SDC2: variants seen among roughly 807,000 people sequenced by gnomAD.
The protein encoded by SDC2 is syndecan 2.
In SDC2, 13 loss-of-function variants were observed where a neutral mutation model predicts 22.2. That is an observed-to-expected ratio of 0.59 (90% confidence interval 0.38 to 0.93). The LOEUF (loss-of-function observed/expected upper bound fraction) is 0.93, where lower values mean the gene tolerates loss of function less well. Among genes scored for constraint, SDC2 ranks in the 40% least tolerant of loss-of-function variants. SDC2 has a pLI of 0.00. For synonymous variants in SDC2, 94 were observed against 92.8 expected, an observed-to-expected ratio of 1.01 and a Z score of -0.07; for missense variants, 235 against 246.8, an observed-to-expected ratio of 0.95 and a Z score of 0.32.
At chr8:96,557,668 TA>T (rs1308490521) in intron 1 of SDC2, among the ~76,000 whole-genome samples, 9 of 152,066 alleles carry the variant, frequency 5.9e-5, no homozygotes, top group Non-Finnish European at 1.3e-4. Context: ...GAGATATACC[TA>T]ATGGTAGATG....
At chr8:96,596,658 T>C (rs1814882335) in intron 2 of SDC2, among the ~76,000 whole-genome samples, 1 of 152,140 alleles carries the variant, frequency 6.6e-6, no homozygotes, top group South Asian at 2.1e-4. Context: ...ATAACAAAAA[T>C]GTAAGAGGTA....
At chr8:96,519,436 T>G (rs1813459744) in intron 1 of SDC2, among the ~76,000 whole-genome samples, 2 of 152,162 alleles carry the variant, frequency 1.3e-5, no homozygotes, top group Non-Finnish European at 2.9e-5. Context: ...AGAATAAGGA[T>G]TAAAGAAGGA....
chr8:96,517,985 G>A (rs761006638), intron 1 of SDC2, among the ~76,000 whole-genome samples: 1 of 152,120 alleles, frequency 6.6e-6, no homozygotes, highest in Non-Finnish European at 1.5e-5. Context: ...GCCGCAGAAC[G>A]ATTGGTTTGC....
intron 1 of SDC2, among the ~76,000 whole-genome samples, chr8:96,522,334 A>C (rs565134361): frequency 6.6e-6 from 1 of 151,814 alleles, no homozygotes; most frequent in Non-Finnish European, 1.5e-5. Context: ...TTTGAAGTAC[A>C]TATTGCCTGA....
At chr8:96,519,347 G>C (rs571197569) in intron 1 of SDC2, among the ~76,000 whole-genome samples, 1 of 152,232 alleles carries the variant, frequency 6.6e-6, no homozygotes, top group African/African-American at 2.4e-5. Flanking sequence ...ATTGATTAGT[G>C]ATGTTTACTT....
At chr8:96,588,574 A>G (rs953675492) in intron 1 of SDC2, among the ~76,000 whole-genome samples, 3 of 152,186 alleles carry the variant, frequency 2.0e-5, no homozygotes, top group Admixed American at 6.5e-5. Flanking sequence ...GGCATCATCT[A>G]GATGTTTGTT....
intron 1 of SDC2, among the ~76,000 whole-genome samples, chr8:96,499,940 A>C (rs1471420590): frequency 6.6e-6 from 1 of 152,176 alleles, no homozygotes; most frequent in Non-Finnish European, 1.5e-5. Context: ...ATCTGTTGAC[A>C]CTGCATGCTG....
chr8:96,497,533 A>G (rs1018358335), intron 1 of SDC2, among the ~76,000 whole-genome samples: 26 of 152,210 alleles, frequency 1.7e-4, no homozygotes, highest in Admixed American at 1.7e-3. Context: ...GATCACTTAA[A>G]TGGCGCCTTG....
At chr8:96,500,842 A>C (rs1813150071) in intron 1 of SDC2, among the ~76,000 whole-genome samples, 1 of 152,150 alleles carries the variant, frequency 6.6e-6, no homozygotes. Context: ...CACTGTTGAA[A>C]TAGAATTGTG....
chr8:96,578,019 A>T (rs149430004), intron 1 of SDC2, among the ~76,000 whole-genome samples: 1 of 152,370 alleles, frequency 6.6e-6, no homozygotes, highest in African/African-American at 2.4e-5. Flanking sequence ...AGGACATTTC[A>T]GCACATAGCA....
At position 96,611,530 on chromosome 8, in the gene SDC2, A is replaced by C. The variant is rs1458491030; in HGVS notation, c.*1982A>C. ...ATCACTTACAGAACCAATTCACTTT[A>C]GAGTGACTAAAAGGAAACGATAGCC... On this transcript the variant is annotated 3_prime_UTR_variant, in exon 5 of 5. Transcript: ENST00000302190. 1.3e-5 allele frequency: 2 copies of C among 152,644 alleles called. No individual in the cohort carries two copies. Among genetic ancestry groups the C allele is most frequent in the Admixed American group, 6.5e-5 (1 of 15,278 alleles). The allele number at this position is 152,644 out of a possible 1,614,324, so 9.5% of individuals were successfully genotyped here. A position where few individuals can be genotyped will look rare whatever the true frequency, so the allele number is the denominator to read the frequency against.
At chr8:96,506,474 G>A (rs1203907363) in intron 1 of SDC2, among the ~76,000 whole-genome samples, 1 of 151,872 alleles carries the variant, frequency 6.6e-6, no homozygotes, top group African/African-American at 2.4e-5. Context: ...TTACATATAT[G>A]TATCCGGTGA....
chr8:96,520,923 C>G (rs748205105), intron 1 of SDC2, among the ~76,000 whole-genome samples: 39 of 152,100 alleles, frequency 2.6e-4, no homozygotes, highest in Non-Finnish European at 4.4e-4. Flanking sequence ...TAAAAGAAGG[C>G]GGAGCTCTGG....
intron 1 of SDC2, among the ~76,000 whole-genome samples, chr8:96,500,003 A>G (rs1159227754): frequency 2.6e-5 from 4 of 152,140 alleles, no homozygotes; most frequent in African/African-American, 9.7e-5. Context: ...GCACTCCTGA[A>G]GAAGTTTCAC....
rs1376200583 is a variant in SDC2, at chr8:96,593,568, A to C, written c.149A>C (p.Asp50Ala). ...ASGVYPIDDD[D>A]YASASGSGAD... Reference sequence around the variant, plus strand: ...GGAGTGTATCCTATTGATGACGATGACTACGCTTCTGCGTCTGGCTCGGGT... The same window carrying C: ...GGAGTGTATCCTATTGATGACGATGCCTACGCTTCTGCGTCTGGCTCGGGT... Residue 50 changes from aspartate (D) to alanine (A), a missense_variant, in exon 2 of 5, where the codon GAC (aspartate) becomes GCC (alanine). Coordinates refer to ENST00000302190, the MANE Select transcript of SDC2 (RefSeq NM_002998.4). 1.9e-6 allele frequency: 3 copies of C among 1,613,510 alleles called. No homozygotes were observed. The East Asian group carries it at 6.7e-5, about 36-fold the overall frequency.
chr8:96,506,026 C>A (rs1353415111), intron 1 of SDC2, among the ~76,000 whole-genome samples: 1 of 152,152 alleles, frequency 6.6e-6, no homozygotes, highest in African/African-American at 2.4e-5. Context: ...TGCCAAAAAA[C>A]CACAATGGAG....
intron 1 of SDC2, among the ~76,000 whole-genome samples, chr8:96,589,935 A>G (rs1814750790): frequency 6.6e-6 from 1 of 152,204 alleles, no homozygotes; most frequent in South Asian, 2.1e-4. Flanking sequence ...GAGATAGGAG[A>G]CAAGTATGTA....
At chr8:96,543,917 A>G (rs1451699320) in intron 1 of SDC2, among the ~76,000 whole-genome samples, 1 of 152,174 alleles carries the variant, frequency 6.6e-6, no homozygotes, top group East Asian at 1.9e-4. Flanking sequence ...ATGACTATTT[A>G]TGTCATTGGA....
chr8:96,517,113 C>A (rs1813413170), intron 1 of SDC2, among the ~76,000 whole-genome samples: 1 of 152,254 alleles, frequency 6.6e-6, no homozygotes, highest in South Asian at 2.1e-4. Context: ...TTATTATTGT[C>A]TGTCCTTTTG....
Sources: allele counts gnomAD v4.1 joint callset (sites outside exome capture counted in the v4.1 genomes callset), GRCh38; gene constraint gnomAD v4.1.1; transcripts MANE v1.5; gene names NCBI Gene and HGNC (gene_info 2026-07-23, HGNC 2026-07-21).